Variants in FANCC observed in about 807,000 individuals in gnomAD.
FANCC encodes the protein Fanconi anemia group C protein.
FANCC carries 55 observed loss-of-function variants against 71.3 expected under a neutral mutation model. That is an observed-to-expected ratio of 0.77 (90% CI 0.62 to 0.97). The LOEUF is 0.97. Ranked by LOEUF, FANCC falls within the 50% of genes least tolerant of loss-of-function variation. The probability of loss-of-function intolerance (pLI) is 0.00; values close to 1 mark genes in which losing one functional copy is unlikely to be tolerated. For missense variants in FANCC, 678 were observed against 670.9 expected (o/e 1.01, Z -0.12); for synonymous variants, 275 against 244.9 (o/e 1.12, Z -1.15).
intron 1 of FANCC, among the ~76,000 whole-genome samples, chr9:95,308,952 G>A (rs1043248630): frequency 3.9e-5 from 6 of 152,150 alleles, no homozygotes; most frequent in African/African-American, 1.2e-4. Flanking sequence ...AGACTGCAAC[G>A]AGTTATGATT....
intron 8 of FANCC, among the ~76,000 whole-genome samples, chr9:95,133,958 C>T (rs1827268804): frequency 6.6e-6 from 1 of 152,194 alleles, no homozygotes; most frequent in African/African-American, 2.4e-5. Context: ...ATATATGACT[C>T]TTCCGGATGG....
At position 95,170,637 on chromosome 9, in the gene FANCC, CGTGTGTGT is replaced by C. The variant is rs3992109; in HGVS notation, c.521+434_521+441del. On this transcript the variant is annotated intron_variant, in intron 6 of 14. Coordinates refer to ENST00000289081, the MANE Select transcript of FANCC (RefSeq NM_000136.3). Reference sequence around the variant, plus strand: ...ACATCAAATGTTGCCTTGTAAATATCGTGTGTGTGTGTGTGTGTGTGTGTGTGTGTGTG... The same window carrying C: ...ACATCAAATGTTGCCTTGTAAATATCGTGTGTGTGTGTGTGTGTGTGTGTG... 4.4e-3 allele frequency among the ~76,000 whole-genome samples: 550 copies of C among 124,356 alleles called. 4 individuals are homozygous for C. Among genetic ancestry groups the C allele is most frequent in the Middle Eastern group, 0.016 (4 of 244 alleles). The allele number at this position is 124,356 out of a possible 152,430, so 81.6% of individuals were successfully genotyped here. A position where few individuals can be genotyped will look rare whatever the true frequency, so the allele number is the denominator to read the frequency against.
chr9:95,222,061 G>A (rs1348654706), intron 4 of FANCC, among the ~76,000 whole-genome samples: 3 of 150,214 alleles, frequency 2.0e-5, no homozygotes, highest in Non-Finnish European at 2.9e-5. Context: ...GGGCCTAGGA[G>A]CACATGTCTA....
At chr9:95,148,685 T>G (rs1011513844) in intron 7 of FANCC, among the ~76,000 whole-genome samples, 3 of 152,202 alleles carry the variant, frequency 2.0e-5, no homozygotes, top group African/African-American at 7.2e-5. Flanking sequence ...ATGAAGATTT[T>G]CCAAATGAAC....
chr9:95,298,336 T>C (rs751595202), intron 1 of FANCC, among the ~76,000 whole-genome samples: 1 of 152,144 alleles, frequency 6.6e-6, no homozygotes, highest in Non-Finnish European at 1.5e-5. Context: ...AGGAACATAC[T>C]TGGATAAAAA....
chr9:95,151,666 A>G (rs1474896466), intron 6 of FANCC, among the ~76,000 whole-genome samples: 1 of 152,126 alleles, frequency 6.6e-6, no homozygotes, highest in Non-Finnish European at 1.5e-5. Context: ...GGTGGCTCAC[A>G]CATGGAGACC....
At chr9:95,163,132 C>T (rs1830853465) in intron 6 of FANCC, among the ~76,000 whole-genome samples, 4 of 152,126 alleles carry the variant, frequency 2.6e-5, no homozygotes, top group Admixed American at 2.6e-4. Flanking sequence ...GGTAAGGGTT[C>T]AAATTTGTTT....
chr9:95,184,219 T>C (rs1826566993), intron 4 of FANCC, among the ~76,000 whole-genome samples: 1 of 152,180 alleles, frequency 6.6e-6, no homozygotes, highest in African/African-American at 2.4e-5. Flanking sequence ...GGAAAGCATT[T>C]ATGTTATTAT....
chr9:95,256,295 A>C (rs1021173312), intron 1 of FANCC, among the ~76,000 whole-genome samples: 2 of 152,240 alleles, frequency 1.3e-5, no homozygotes, highest in African/African-American at 4.8e-5. Flanking sequence ...TCAGAGAGAA[A>C]GGTCGGGTTA....
At chr9:95,307,152 T>G (rs1398189006) in intron 1 of FANCC, among the ~76,000 whole-genome samples, 1 of 152,226 alleles carries the variant, frequency 6.6e-6, no homozygotes, top group Non-Finnish European at 1.5e-5. Flanking sequence ...CCCAAAGTGC[T>G]GGGATTACAG....
chr9:95,228,498 C>T (rs1355034854), intron 4 of FANCC, among the ~76,000 whole-genome samples: 1 of 152,224 alleles, frequency 6.6e-6, no homozygotes, highest in Non-Finnish European at 1.5e-5. Context: ...CATTTCTTTA[C>T]TGATTCAGCA....
intron 4 of FANCC, among the ~76,000 whole-genome samples, chr9:95,229,297 CAAAA>C (rs34502007): frequency 2.0e-5 from 2 of 99,422 alleles, no homozygotes; most frequent in Non-Finnish European, 2.0e-5. Flanking sequence ...GATTCCTTCT[CAAAA>C]AAAAAAAAAA....
chr9:95,273,287 TTTTTGTGTGTC>T (rs1208141507), intron 1 of FANCC, among the ~76,000 whole-genome samples: 11 of 152,208 alleles, frequency 7.2e-5, no homozygotes, highest in Non-Finnish European at 1.5e-5. Context: ...GTTTTCTATC[TTTTTGTGTGTC>T]TCACAACCCA....
At chr9:95,297,974 A>C (rs1337775029) in intron 1 of FANCC, among the ~76,000 whole-genome samples, 5 of 152,234 alleles carry the variant, frequency 3.3e-5, no homozygotes, top group Non-Finnish European at 5.9e-5. Flanking sequence ...ACTTTATTCT[A>C]AGAGCAAAGG....
intron 2 of FANCC, 105 bp downstream of exon 2, chr9:95,249,022 A>C: frequency 8.4e-7 from 1 of 1,191,040 alleles, no homozygotes; most frequent in South Asian, 1.2e-5. Flanking sequence ...TCGGCACTTC[A>C]GTCAATACCA....
In FANCC at chr9:95,107,016, C is replaced by CG. The variant is rs2134453387; in HGVS notation, c.1533+49dup. 3 of 1,590,132 alleles carry CG rather than the reference C, an allele frequency of 1.9e-6. No individual in the cohort carries two copies. The East Asian group carries it at 6.7e-5, about 36-fold the overall frequency. ...ACCCTCGGACAGGTAACCCACCTCTCGCCTGGAGCAGAAATGAGTACTAGG... is the reference window on the plus strand; with the variant it reads ...ACCCTCGGACAGGTAACCCACCTCTCGGCCTGGAGCAGAAATGAGTACTAGG... On this transcript the variant is annotated intron_variant, in intron 14 of 14. Transcript: ENST00000289081.
intron 6 of FANCC, among the ~76,000 whole-genome samples, chr9:95,158,757 TA>T (rs1485257341): frequency 6.6e-6 from 1 of 152,186 alleles, no homozygotes; most frequent in Non-Finnish European, 1.5e-5. Flanking sequence ...CAGATGTTTT[TA>T]AAAAGTCATA....
intron 4 of FANCC, among the ~76,000 whole-genome samples, chr9:95,173,642 A>G (rs1564722245): frequency 1.3e-5 from 2 of 152,172 alleles, no homozygotes; most frequent in Non-Finnish European, 2.9e-5. Flanking sequence ...GGGGCCAGGC[A>G]CGGTGGCTCA....
chr9:95,296,667 T>A (rs1314537168), intron 1 of FANCC, among the ~76,000 whole-genome samples: 1 of 152,210 alleles, frequency 6.6e-6, no homozygotes, highest in Non-Finnish European at 1.5e-5. Context: ...TGTATTCAGT[T>A]AGCCAAACAA....
Sources: allele counts gnomAD v4.1 joint callset (sites outside exome capture counted in the v4.1 genomes callset), GRCh38; gene constraint gnomAD v4.1.1; transcripts MANE v1.5; gene names NCBI Gene and HGNC (gene_info 2026-07-23, HGNC 2026-07-21).